The following PTPN9 variants were observed in gnomAD, a reference collection of about 807,000 sequenced individuals.
PTPN9 encodes tyrosine-protein phosphatase non-receptor type 9.
A neutral mutation model predicts 69.8 loss-of-function variants in PTPN9; 26 were observed. The observed-to-expected ratio is 0.37, with a 90% CI of 0.27 to 0.52. PTPN9 has a LOEUF of 0.52. PTPN9 is among the 20% of genes least tolerant of loss of function. PTPN9 has a pLI of 0.91. For missense variants in PTPN9, 549 were observed against 740.3 expected, an observed-to-expected ratio of 0.74 and a Z score of 3.00; for synonymous variants, 274 against 272.5, an observed-to-expected ratio of 1.01 and a Z score of -0.05.
intron 8 of PTPN9, among the ~76,000 whole-genome samples, chr15:75,485,591 T>C (rs1300664961): frequency 2.0e-5 from 3 of 148,914 alleles, no homozygotes; most frequent in East Asian, 2.0e-4. Flanking sequence ...AGGATGGTCT[T>C]GATCTCCTGA....
chr15:75,565,301 T>C (rs751664705), intron 1 of PTPN9, among the ~76,000 whole-genome samples: 29 of 152,094 alleles, frequency 1.9e-4, no homozygotes, highest in Non-Finnish European at 4.1e-4. Flanking sequence ...CTGAAATCAG[T>C]ATTTGGTGAC....
At chr15:75,496,298 T>C (rs1376470963) in intron 7 of PTPN9, among the ~76,000 whole-genome samples, 1 of 151,128 alleles carries the variant, frequency 6.6e-6, no homozygotes, top group Non-Finnish European at 1.5e-5. Flanking sequence ...AAAAAAAAAT[T>C]GTTAATATAT....
intron 11 of PTPN9, among the ~76,000 whole-genome samples, chr15:75,470,264 G>T (rs1393781820): frequency 6.6e-6 from 1 of 152,194 alleles, no homozygotes; most frequent in Non-Finnish European, 1.5e-5. Flanking sequence ...GAGTGCAGTG[G>T]CACGATCAAA....
rs762584659 is a variant in PTPN9, at chr15:75,473,721, C to T, written c.1176G>A (p.Glu392=). Residue 392 remains glutamate (E), a synonymous_variant, in exon 10 of 13, where the codon GAG becomes GAA. Coordinates refer to ENST00000618819, the MANE Select transcript of PTPN9 (RefSeq NM_002833.4). ...TYRDFWLMVW[E]QKVLVIVMTT... is the part of the protein sequence containing the mutation. ...TCATGACAATCACCAAGACTTTTTG[C>T]TCCCATACCATGAGCCAGAAATCAC... The T allele has an allele frequency of 1.3e-6, 2 of 1,588,258 alleles. No individual in the cohort carries two copies. Among genetic ancestry groups the T allele is most frequent in the African/African-American group, 2.7e-5 (2 of 74,310 alleles).
At chr15:75,570,908 A>G in intron 1 of PTPN9, among the ~76,000 whole-genome samples, 1 of 152,206 alleles carries the variant, frequency 6.6e-6, no homozygotes, top group Non-Finnish European at 1.5e-5. Context: ...GTGGATATGA[A>G]TATTTTTTCC....
chr15:75,548,068 A>G (rs1422314303), intron 1 of PTPN9, among the ~76,000 whole-genome samples: 1 of 152,082 alleles, frequency 6.6e-6, no homozygotes, highest in Non-Finnish European at 1.5e-5. Flanking sequence ...TATTATCCCT[A>G]TATTACAGTT....
chr15:75,470,765 C>G lies in PTPN9; in HGVS notation c.1274G>C (p.Arg425Pro), dbSNP rs745713152. 3 of 1,614,214 alleles carry G rather than the reference C, an allele frequency of 1.9e-6. No homozygotes were observed. Among genetic ancestry groups the G allele is most frequent in the African/African-American group, 2.7e-5 (2 of 75,054 alleles). ...ATTGGTCACTGTGAGGAAGCCAAAT[C>G]GGATCCGAGAGTCTTTTTCTAAAGG... ...YWPLEKDSRI[R>P]FGFLTVTNLG... The change falls in exon 11 of 13, where the codon CGA becomes CCA. Residue 425 changes from arginine (R) to proline (P), a missense_variant. Around this residue, in one of 3 missense-constraint regions of PTPN9, gnomAD observed 457 missense variants for 661.9 expected, o/e 0.69. Transcript: ENST00000618819.
At chr15:75,563,658 C>T (rs751546183) in intron 1 of PTPN9, among the ~76,000 whole-genome samples, 3 of 152,102 alleles carry the variant, frequency 2.0e-5, no homozygotes, top group Non-Finnish European at 4.4e-5. Flanking sequence ...AAGGTTGATT[C>T]TATGTGTCAG....
At chr15:75,480,387 G>C (rs1489083375) in intron 8 of PTPN9, among the ~76,000 whole-genome samples, 1 of 152,100 alleles carries the variant, frequency 6.6e-6, no homozygotes, top group Non-Finnish European at 1.5e-5. Context: ...GGTGGATCAC[G>C]AGGTCAGGAG....
rs2074528859 is a variant in PTPN9, at chr15:75,464,427, G to A, written c.*4342C>T. 6.6e-6 allele frequency: 1 copy of A among 152,170 alleles called. No homozygotes were observed. Among genetic ancestry groups the A allele is most frequent in the Non-Finnish European group, 1.5e-5 (1 of 68,088 alleles). 9.4% of individuals were successfully genotyped at this position (152,170 alleles called of 1,614,324 possible). A position where few individuals can be genotyped will look rare whatever the true frequency, so the allele number is the denominator to read the frequency against. The stretch of plus-strand genomic sequence containing the variant: ...TGAAAGTAAAAAAAATGAAAAGTGG[G>A]GAGTGCTAGTGGGAGCCAACTCAAC... On this transcript the variant is annotated 3_prime_UTR_variant, in exon 13 of 13. Coordinates refer to ENST00000618819, the MANE Select transcript of PTPN9 (RefSeq NM_002833.4).
intron 1 of PTPN9, among the ~76,000 whole-genome samples, chr15:75,554,290 G>C (rs2075067802): frequency 6.6e-6 from 1 of 151,894 alleles, no homozygotes; most frequent in African/African-American, 2.4e-5. Context: ...TGCCTCCCGG[G>C]TTCAAGCGAT....
chr15:75,519,186 G>A (rs1348189734), intron 4 of PTPN9, among the ~76,000 whole-genome samples: 10 of 152,154 alleles, frequency 6.6e-5, no homozygotes, highest in Non-Finnish European at 1.5e-4. Flanking sequence ...TCGGCTCACT[G>A]CAACCTCCGC....
intron 8 of PTPN9, chr15:75,480,713 G>T (rs975713130): frequency 1.5e-6 from 2 of 1,315,886 alleles, no homozygotes; most frequent in Non-Finnish European, 2.0e-6. Context: ...CCCCACAGCC[G>T]GGAGGATGGA....
chr15:75,540,569 A>G (rs952628448), intron 1 of PTPN9, among the ~76,000 whole-genome samples: 4 of 150,928 alleles, frequency 2.7e-5, no homozygotes, highest in Non-Finnish European at 5.9e-5. Flanking sequence ...AAAAGAAAGA[A>G]AGAAAGAAAG....
intron 1 of PTPN9, among the ~76,000 whole-genome samples, chr15:75,531,435 T>G (rs770826533): frequency 7.2e-5 from 11 of 152,140 alleles, no homozygotes; most frequent in Non-Finnish European, 1.2e-4. Context: ...TAGTTTGAAT[T>G]GCCTCTGTGG....
In PTPN9 at chr15:75,548,391, GA is replaced by G. The variant is rs1291286001; in HGVS notation, c.64-21131del. On this transcript the variant is annotated intron_variant, in intron 1 of 12. Transcript: ENST00000618819. ...CTGCCTCAGCCTCCCAAGTAGCTGG[GA>G]TTACAGGCGCCCACCACCATGCCCA... is the stretch of plus-strand genomic sequence containing the variant. Among the ~76,000 whole-genome samples, 10 of 151,750 alleles carry G rather than the reference GA, an allele frequency of 6.6e-5. No individual in the cohort carries two copies. In the East Asian group the frequency reaches 1.4e-3, roughly 21 times the overall value.
chr15:75,466,357 T>C lies in PTPN9; in HGVS notation c.*2412A>G, dbSNP rs1284505524. ...ACAACTGCCCCAACTGGGCAGGCCA[T>C]CAACAGCCAACAGGTATGATATGGG... On this transcript the variant is annotated 3_prime_UTR_variant, in exon 13 of 13. Transcript: ENST00000618819. 2 of 152,204 alleles carry C rather than the reference T, an allele frequency of 1.3e-5. No homozygotes were observed. Among genetic ancestry groups the C allele is most frequent in the Admixed American group, 6.5e-5 (1 of 15,284 alleles). 9.4% of individuals were successfully genotyped at this position (152,204 alleles called of 1,614,324 possible). A position where few individuals can be genotyped will look rare whatever the true frequency, so the allele number is the denominator to read the frequency against.
At chr15:75,541,387 T>G (rs1240099708) in intron 1 of PTPN9, among the ~76,000 whole-genome samples, 2 of 150,658 alleles carry the variant, frequency 1.3e-5, no homozygotes, top group Non-Finnish European at 3.0e-5. Flanking sequence ...CTGCCCTCAT[T>G]TTATTATTAT....
intron 1 of PTPN9, chr15:75,570,415 A>G (rs1434024159): frequency 6.6e-6 from 1 of 152,192 alleles, no homozygotes; most frequent in Non-Finnish European, 1.5e-5. Context: ...AAAAATGCCA[A>G]AGATCTCTGA....
Sources: gnomAD v4.1 joint callset for allele counts (sites outside exome capture counted in the v4.1 genomes callset) on GRCh38, gnomAD v4.1.1 for gene constraint, gnomAD v4.1.1 regional missense constraint, MANE v1.5 for transcripts, NCBI Gene and HGNC (gene_info 2026-07-23, HGNC 2026-07-21) for gene names.